Variants in TRPS1 observed in about 807,000 individuals in gnomAD.
The protein encoded by TRPS1 is transcriptional repressor GATA binding 1, also known as zinc finger transcription factor Trps1.
A neutral mutation model predicts 101.2 loss-of-function variants in TRPS1; 6 were observed. The ratio of observed to expected loss-of-function variants is 0.06; its 90% CI spans 0.03 to 0.12. TRPS1 has a LOEUF of 0.12. Ranked by LOEUF, TRPS1 falls within the 10% of genes least tolerant of loss-of-function variation. The pLI is 1.00. For missense variants in TRPS1, 1,363 were observed against 1,567.0 expected (o/e 0.87, Z 2.20); for synonymous variants, 578 against 589.8 (o/e 0.98, Z 0.29).
chr8:115,633,629 G>T (rs1818699603), intron 1 of TRPS1, among the ~76,000 whole-genome samples: 7 of 152,092 alleles, frequency 4.6e-5, no homozygotes, highest in Admixed American at 4.6e-4. Flanking sequence ...ACTGAAAGGG[G>T]GTTAAGGTAA....
At chr8:115,434,997 A>T (rs12334912) in intron 5 of TRPS1, among the ~76,000 whole-genome samples, 1 of 152,080 alleles carries the variant, frequency 6.6e-6, no homozygotes, top group Non-Finnish European at 1.5e-5. Context: ...ATCGAAGAAC[A>T]TAAGAAATGT....
intron 1 of TRPS1, among the ~76,000 whole-genome samples, chr8:115,666,297 C>G (rs1811919923): frequency 6.6e-6 from 1 of 151,746 alleles, no homozygotes; most frequent in South Asian, 2.1e-4. Context: ...AAAAAAAAAT[C>G]CTCAAAATGT....
intron 3 of TRPS1, 123 bp downstream of exon 3, chr8:115,619,009 C>G (rs758228248): frequency 5.9e-6 from 6 of 1,019,452 alleles, no homozygotes; most frequent in Non-Finnish European, 8.8e-6. Flanking sequence ...GTGTCCATCT[C>G]TTCTGCTAGA....
At chr8:115,516,077 C>G (rs534571380) in intron 5 of TRPS1, among the ~76,000 whole-genome samples, 41 of 149,738 alleles carry the variant, frequency 2.7e-4, no homozygotes, top group African/African-American at 1.0e-3. Flanking sequence ...CAGTCATTAA[C>G]AAAATTGTAT....
At chr8:115,622,042 A>G (rs1240396426) in intron 2 of TRPS1, among the ~76,000 whole-genome samples, 1 of 152,200 alleles carries the variant, frequency 6.6e-6, no homozygotes, top group Non-Finnish European at 1.5e-5. Flanking sequence ...TTACATATAT[A>G]GGATGGAAGA....
chr8:115,604,713 C>T lies in TRPS1; in HGVS notation c.1256G>A (p.Gly419Glu). 1 of 1,613,842 alleles carries T rather than the reference C, an allele frequency of 6.2e-7. No homozygotes were observed. Among genetic ancestry groups the T allele is most frequent in the Non-Finnish European group, 8.5e-7 (1 of 1,179,908 alleles). The change falls in exon 4 of 7, where the codon GGA becomes GAA. Residue 419 changes from glycine to glutamate, a missense_variant. Coordinates refer to ENST00000395715, the MANE Select transcript of TRPS1 (RefSeq NM_014112.5). The surrounding 1 kb of genome is among the most constrained non-coding windows in gnomAD (Gnocchi z 4.1). The part of the protein sequence containing the change: ...KWQDKITVKA[G>E]DDTPVGYSVP... ...TGAGTACCCAACAGGAGTGTCATCT[C>T]CTGCTTTGACTGTTATCTTGTCCTG...
intron 5 of TRPS1, among the ~76,000 whole-genome samples, chr8:115,530,370 AGTC>A: frequency 6.6e-6 from 1 of 152,266 alleles, no homozygotes; most frequent in Admixed American, 6.5e-5. Flanking sequence ...TAAAATGTGA[AGTC>A]GTCTTGGGAG....
chr8:115,560,394 A>G (rs1275367015), intron 5 of TRPS1, among the ~76,000 whole-genome samples: 10 of 152,102 alleles, frequency 6.6e-5, no homozygotes, highest in Admixed American at 6.6e-4. Context: ...AGAAACAAAG[A>G]CTGTTTTCAT....
At chr8:115,625,751 T>C (rs148869168) in intron 1 of TRPS1, among the ~76,000 whole-genome samples, 155 of 152,068 alleles carry the variant, frequency 1.0e-3, no homozygotes, top group African/African-American at 3.7e-3. Context: ...TGTGCATATA[T>C]ATGTACAGAC....
chr8:115,596,864 T>C (rs1024531204), intron 4 of TRPS1, among the ~76,000 whole-genome samples: 1 of 151,904 alleles, frequency 6.6e-6, no homozygotes, highest in South Asian at 2.1e-4. Context: ...GTTTTATCTT[T>C]TGAATTTATA....
chr8:115,663,743 A>AC (rs1811861871), intron 1 of TRPS1, among the ~76,000 whole-genome samples: 1 of 149,090 alleles, frequency 6.7e-6, no homozygotes, highest in South Asian at 2.1e-4. Flanking sequence ...AAAAAAAAAA[A>AC]CTGGGATAGC....
intron 1 of TRPS1, among the ~76,000 whole-genome samples, chr8:115,645,301 T>A (rs1818999316): frequency 1.3e-5 from 2 of 152,128 alleles, no homozygotes; most frequent in Non-Finnish European, 2.9e-5. Flanking sequence ...TGCTCTAGAG[T>A]ACACCCTACA....
intron 5 of TRPS1, among the ~76,000 whole-genome samples, chr8:115,447,347 T>C (rs1813763361): frequency 1.3e-5 from 2 of 152,334 alleles, no homozygotes; most frequent in South Asian, 4.1e-4. Context: ...AAGAACACTG[T>C]TAAGCAATTC....
chr8:115,466,923 A>T (rs908149288), intron 5 of TRPS1, among the ~76,000 whole-genome samples: 15 of 152,144 alleles, frequency 9.9e-5, no homozygotes, highest in Non-Finnish European at 1.8e-4. Context: ...AAAAAAGTTA[A>T]TCTCAAGAGA....
intron 5 of TRPS1, among the ~76,000 whole-genome samples, chr8:115,473,690 A>G (rs978621696): frequency 1.3e-5 from 2 of 152,328 alleles, no homozygotes; most frequent in East Asian, 1.9e-4. Flanking sequence ...GCTTATTTCA[A>G]TCACTGCCAT....
At chr8:115,652,094 A>T (rs1159531218) in intron 1 of TRPS1, among the ~76,000 whole-genome samples, 2 of 152,194 alleles carry the variant, frequency 1.3e-5, no homozygotes, top group African/African-American at 4.8e-5. Context: ...AGATTAAGAG[A>T]ACATTCAATG....
chr8:115,427,876 T>A (rs771666235), intron 5 of TRPS1, among the ~76,000 whole-genome samples: 5 of 151,318 alleles, frequency 3.3e-5, no homozygotes, highest in Non-Finnish European at 7.4e-5. Context: ...GTGCAGTACA[T>A]GTGTTTTGAT....
intron 2 of TRPS1, 122 bp from the exon 3 acceptor site, chr8:115,620,182 GAAA>G (rs10589819): frequency 9.2e-3 from 6,183 of 671,932 alleles, no homozygotes; most frequent in South Asian, 0.019. Context: ...CTTCCTCTAG[GAAA>G]AAAAAAAAAA....
chr8:115,612,977 T>C (rs867584625), intron 3 of TRPS1, among the ~76,000 whole-genome samples: 2 of 152,204 alleles, frequency 1.3e-5, no homozygotes, highest in South Asian at 4.2e-4. Flanking sequence ...ATGGAGTGTA[T>C]CTCCTTAACA....
Sources: allele counts gnomAD v4.1 joint callset (sites outside exome capture counted in the v4.1 genomes callset), GRCh38; gene constraint gnomAD v4.1.1; non-coding constraint Gnocchi (gnomAD v3.1); transcripts MANE v1.5; gene names NCBI Gene and HGNC (gene_info 2026-07-23, HGNC 2026-07-21).